The following AIM2 variants were observed in gnomAD, a reference collection of about 807,000 sequenced individuals.
AIM2 encodes the protein absent in melanoma 2.
AIM2 carries 30 observed loss-of-function variants against 27.7 expected under a neutral mutation model. The observed-to-expected ratio is 1.08, with a 90% confidence interval of 0.81 to 1.47. The LOEUF (loss-of-function observed/expected upper bound fraction) is 1.47, where lower values mean the gene tolerates loss of function less well. Among genes scored for constraint, AIM2 ranks in the 40% most tolerant of loss-of-function variants. AIM2 has a pLI of 0.00. For synonymous variants in AIM2, 141 were observed against 145.3 expected (o/e 0.97, Z 0.21); for missense variants, 358 against 411.3 (o/e 0.87, Z 1.12).
intron 1 of AIM2, among the ~76,000 whole-genome samples, chr1:159,126,376 G>A (rs1313444792): frequency 1.3e-5 from 2 of 152,084 alleles, no homozygotes; most frequent in African/African-American, 4.8e-5. Flanking sequence ...GGCCGGGCAC[G>A]GTGGTTCACG....
downstream of AIM2, among the ~76,000 whole-genome samples, chr1:159,058,349 A>C (rs1246208748): frequency 2.6e-3 from 2 of 756 alleles, no homozygotes; most frequent in African/African-American, 5.8e-3. Context: ...ATTCTGTCTC[A>C]AAAAAAAAAA....
At position 159,065,960 on chromosome 1, in the gene AIM2, G is replaced by C. The variant is rs1282001495; in HGVS notation, c.766C>G (p.Gln256Glu). ...ACAATTGTTCCAAGGGGCTGAGTTT[G>C]AAGCGTGTTGATCTTCGGGGTTTCA... Reference protein sequence around the residue: ...AGETPKINTLQTQPLGTIVNG... With the variant: ...AGETPKINTLETQPLGTIVNG... Residue 256 changes from glutamine to glutamate, a missense_variant, in exon 4 of 6, where the codon CAA (glutamine) becomes GAA (glutamate). By Grantham distance (29) the Gln-to-Glu change is conservative. Transcript: ENST00000368130. The C allele has an allele frequency of 6.2e-7, 1 of 1,614,110 alleles. No individual in the cohort carries two copies. Among genetic ancestry groups the C allele is most frequent in the Non-Finnish European group, 8.5e-7 (1 of 1,180,014 alleles).
At chr1:159,111,318 G>C (rs1164522053) in intron 1 of AIM2, among the ~76,000 whole-genome samples, 1 of 152,158 alleles carries the variant, frequency 6.6e-6, no homozygotes, top group Admixed American at 6.5e-5. Context: ...CTGGCGTAGG[G>C]TCTATTAAAA....
upstream of AIM2, among the ~76,000 whole-genome samples, chr1:159,144,788 C>T (rs1003394499): frequency 1.3e-5 from 2 of 152,130 alleles, no homozygotes; most frequent in Non-Finnish European, 2.9e-5. Context: ...ATGATAAATG[C>T]CCTTCAAATT....
chr1:159,061,835 A>G (rs1297295445), downstream of AIM2, among the ~76,000 whole-genome samples: 1 of 152,096 alleles, frequency 6.6e-6, no homozygotes, highest in Non-Finnish European at 1.5e-5. Context: ...TCAAATTATT[A>G]AGCATTTATG....
chr1:159,129,835 C>A (rs1194588992), intron 1 of AIM2, among the ~76,000 whole-genome samples: 1 of 152,162 alleles, frequency 6.6e-6, no homozygotes, highest in African/African-American at 2.4e-5. Flanking sequence ...CATTCACTAC[C>A]ATTCCCTGTC....
At chr1:159,056,361 C>T in the AIM2 span, among the ~76,000 whole-genome samples, 1 of 152,130 alleles carries the variant, frequency 6.6e-6, no homozygotes, top group African/African-American at 2.4e-5. Context: ...CTGGGGACCC[C>T]TTCCCACCTG....
At chr1:159,117,564 T>A (rs1372791594) in intron 1 of AIM2, among the ~76,000 whole-genome samples, 1 of 152,144 alleles carries the variant, frequency 6.6e-6, no homozygotes, top group Non-Finnish European at 1.5e-5. Context: ...TTCTCCTAAA[T>A]TAGTGGATTA....
chr1:159,126,196 G>A (rs781129068), intron 1 of AIM2, among the ~76,000 whole-genome samples: 1 of 152,164 alleles, frequency 6.6e-6, no homozygotes, highest in Non-Finnish European at 1.5e-5. Flanking sequence ...GGAAGTCAGG[G>A]AAGGACGAAG....
intron 1 of AIM2, among the ~76,000 whole-genome samples, chr1:159,095,472 GC>G (rs1317415346): frequency 6.6e-6 from 1 of 152,182 alleles, no homozygotes; most frequent in Non-Finnish European, 1.5e-5. Context: ...CCTTGTATCT[GC>G]CACCCGGGCC....
At chr1:159,107,845 T>TG (rs1456784404) in intron 1 of AIM2, among the ~76,000 whole-genome samples, 1 of 152,098 alleles carries the variant, frequency 6.6e-6, no homozygotes. Flanking sequence ...CTCTCCTAGA[T>TG]TAAATCAGGA....
In AIM2 at chr1:159,063,469, T is replaced by C. The variant is rs958704437; in HGVS notation, c.1005+17A>G. Reference sequence around the variant, plus strand: ...TCACCCCCTTGGAGAGTTGACTTTGTTCCATGCAGTTCCCACCTTTATGGT... The same window carrying C: ...TCACCCCCTTGGAGAGTTGACTTTGCTCCATGCAGTTCCCACCTTTATGGT... On this transcript the variant is annotated intron_variant, in intron 5 of 5. Coordinates refer to ENST00000368130, the MANE Select transcript of AIM2 (RefSeq NM_004833.3). 2.5e-6 allele frequency: 4 copies of C among 1,598,166 alleles called. No individual in the cohort carries two copies. The highest frequency in any genetic ancestry group is 2.7e-5 in the African/African-American group (2 of 73,798).
intron 1 of AIM2, among the ~76,000 whole-genome samples, chr1:159,139,196 T>C: frequency 6.6e-6 from 1 of 152,204 alleles, no homozygotes; most frequent in East Asian, 1.9e-4. Context: ...CTCTACCTAC[T>C]TGGCTGAGAT....
At chr1:159,107,195 G>A (rs1187447598) in intron 1 of AIM2, among the ~76,000 whole-genome samples, 1 of 152,064 alleles carries the variant, frequency 6.6e-6, no homozygotes, top group African/African-American at 2.4e-5. Context: ...TTAACATCTT[G>A]TCTCTTTAGA....
chr1:159,073,940 G>A (rs1400674263), intron 1 of AIM2, among the ~76,000 whole-genome samples: 2 of 152,142 alleles, frequency 1.3e-5, no homozygotes, highest in African/African-American at 4.8e-5. Flanking sequence ...TCAGGAGGCT[G>A]AGGCAGGAGA....
chr1:159,082,981 G>T (rs1656817626), intron 1 of AIM2, among the ~76,000 whole-genome samples: 1 of 152,118 alleles, frequency 6.6e-6, no homozygotes, highest in Non-Finnish European at 1.5e-5. Flanking sequence ...TGGTTGCAGA[G>T]AAATTACCTG....
At chr1:159,136,386 ATTAG>A (rs1252046967) in intron 1 of AIM2, among the ~76,000 whole-genome samples, 3 of 152,216 alleles carry the variant, frequency 2.0e-5, no homozygotes, top group African/African-American at 4.8e-5. Flanking sequence ...AATTCTAGGT[ATTAG>A]TTAGATCATT....
At chr1:159,136,470 C>T (rs752101399) in intron 1 of AIM2, among the ~76,000 whole-genome samples, 2 of 152,064 alleles carry the variant, frequency 1.3e-5, no homozygotes, top group Admixed American at 6.6e-5. Context: ...ATAGCGAGAC[C>T]TCAGATTCAG....
chr1:159,107,763 C>A (rs1300337079), intron 1 of AIM2, among the ~76,000 whole-genome samples: 1 of 152,060 alleles, frequency 6.6e-6, no homozygotes, highest in African/African-American at 2.4e-5. Context: ...ACATTCAAGG[C>A]TACTATGGAC....
Sources: allele counts gnomAD v4.1 joint callset (sites outside exome capture counted in the v4.1 genomes callset), GRCh38; gene constraint gnomAD v4.1.1; transcripts MANE v1.5; gene names NCBI Gene and HGNC (gene_info 2026-07-23, HGNC 2026-07-21).